Variants in CD9 observed in about 807,000 individuals in gnomAD.
CD9 encodes the protein CD9 antigen.
In CD9, 10 loss-of-function variants were observed where a neutral mutation model predicts 31.4. The ratio of observed to expected loss-of-function variants is 0.32; its 90% CI spans 0.20 to 0.54. The LOEUF (loss-of-function observed/expected upper bound fraction) is 0.54, where lower values mean the gene tolerates loss of function less well. Ranked by LOEUF, CD9 falls within the 20% of genes least tolerant of loss-of-function variation. The pLI, the probability that CD9 is intolerant of heterozygous loss-of-function variation, is 0.94. For missense variants in CD9, 259 were observed against 300.1 expected (o/e 0.86, Z 1.01); for synonymous variants, 113 against 114.1 (o/e 0.99, Z 0.06).
chr12:6,203,395 C>T (rs1295823262), intron 1 of CD9, among the ~76,000 whole-genome samples: 1 of 152,152 alleles, frequency 6.6e-6, no homozygotes, highest in Non-Finnish European at 1.5e-5. Context: ...ACTTGGCATT[C>T]GGAACCTGAT....
At chr12:6,235,780 T>A (rs1946512410) in intron 6 of CD9, 6 of 1,398,420 alleles carry the variant, frequency 4.3e-6, no homozygotes, top group Non-Finnish European at 4.6e-6. Flanking sequence ...ACAAGTGTTC[T>A]GGCACCGCCC....
At chr12:6,236,512 A>C (rs1591983020) in intron 7 of CD9, 1 of 553,466 alleles carries the variant, frequency 1.8e-6, no homozygotes, top group Non-Finnish European at 3.2e-6. Context: ...TAAAGAGTCG[A>C]CTCTCTTAGC....
chr12:6,213,119 A>G lies in CD9; in HGVS notation c.67-12307A>G, dbSNP rs149715625. On this transcript the variant is annotated intron_variant, in intron 1 of 7. Coordinates refer to ENST00000009180, the MANE Select transcript of CD9 (RefSeq NM_001769.4). ...CTAAGGGGATATTTAATGTAAAGCT[A>G]TTATATGGGCCTGGCTCACAGGCAG... Among the ~76,000 whole-genome samples the G allele has an allele frequency of 4.9e-4, 75 of 152,310 alleles. 1 individual carries two copies. The East Asian group carries it at 0.013, about 27-fold the overall frequency.
At chr12:6,207,153 A>T (rs1053453992) in intron 1 of CD9, among the ~76,000 whole-genome samples, 1 of 152,166 alleles carries the variant, frequency 6.6e-6, no homozygotes, top group African/African-American at 2.4e-5. Context: ...AAGCACTGGG[A>T]TCATAAATGT....
chr12:6,205,589 T>C (rs1946122063), intron 1 of CD9, among the ~76,000 whole-genome samples: 1 of 152,238 alleles, frequency 6.6e-6, no homozygotes, highest in Admixed American at 6.5e-5. Flanking sequence ...CTTACACACA[T>C]AGATCCTGTG....
At chr12:6,225,197 C>T (rs1946347043) in intron 1 of CD9, 1 of 551,898 alleles carries the variant, frequency 1.8e-6, no homozygotes, top group African/African-American at 1.9e-5. Flanking sequence ...AATACCCCTT[C>T]AGCCAATGGG....
chr12:6,205,573 C>G (rs1210130561), intron 1 of CD9, among the ~76,000 whole-genome samples: 1 of 152,186 alleles, frequency 6.6e-6, no homozygotes, highest in Non-Finnish European at 1.5e-5. Context: ...GGATGAGAAT[C>G]TCCCCCTTAC....
At chr12:6,210,265 C>A (rs544691817) in intron 1 of CD9, among the ~76,000 whole-genome samples, 1 of 152,322 alleles carries the variant, frequency 6.6e-6, no homozygotes, top group South Asian at 2.1e-4. Flanking sequence ...GGGCTGCGGT[C>A]CCGTCTATGG....
At position 6,232,336 on chromosome 12, in the gene CD9, G is replaced by A. The variant is rs7966772; in HGVS notation, c.176-296G>A. 3,393 of 489,292 alleles carry A rather than the reference G, an allele frequency of 6.9e-3. 18 individuals carry two copies. Among genetic ancestry groups the A allele is most frequent in the Non-Finnish European group, 9.7e-3 (2,606 of 269,026 alleles). 30.3% of individuals were successfully genotyped at this position (489,292 alleles called of 1,614,324 possible). A position where few individuals can be genotyped will look rare whatever the true frequency, so the allele number is the denominator to read the frequency against. ...CATTCCGAATGTAGGGATTCCCGTG[G>A]ATATTCTCTGTCCTGGATTGAGGGC... is the stretch of plus-strand genomic sequence containing the variant. On this transcript the variant is annotated intron_variant, in intron 2 of 7. Transcript: ENST00000009180. The surrounding 1 kb of genome is among the most constrained non-coding windows in gnomAD (Gnocchi z 4.8).
At chr12:6,201,950 A>G (rs1946082828) in intron 1 of CD9, among the ~76,000 whole-genome samples, 1 of 152,214 alleles carries the variant, frequency 6.6e-6, no homozygotes, top group African/African-American at 2.4e-5. Flanking sequence ...AGATGAGAGG[A>G]TGGCATGAGC....
intron 1 of CD9, among the ~76,000 whole-genome samples, chr12:6,210,208 C>G (rs1049282168): frequency 6.6e-6 from 1 of 152,192 alleles, no homozygotes; most frequent in Non-Finnish European, 1.5e-5. Context: ...CCGGGTCCCA[C>G]TCTGGGGCTG....
At chr12:6,236,598 GTTC>G in intron 7 of CD9, 3 of 439,764 alleles carry the variant, frequency 6.8e-6, no homozygotes, top group Admixed American at 7.8e-5. Context: ...CGCACCTGCT[GTTC>G]TTCTCCCTAA....
chr12:6,232,314 TC>T lies in CD9; in HGVS notation c.176-316del. Reference sequence around the variant, plus strand: ...GCTGACAGACTGGACCAGTTTGCATTCCGAATGTAGGGATTCCCGTGGATAT... The same window carrying T: ...GCTGACAGACTGGACCAGTTTGCATTCGAATGTAGGGATTCCCGTGGATAT... On this transcript the variant is annotated intron_variant, in intron 2 of 7. Coordinates refer to ENST00000009180, the MANE Select transcript of CD9 (RefSeq NM_001769.4). The surrounding 1 kb of genome is among the most constrained non-coding windows in gnomAD (Gnocchi z 4.8). 1 of 426,918 alleles carries T rather than the reference TC, an allele frequency of 2.3e-6. No individual in the cohort carries two copies. The highest frequency in any genetic ancestry group is 5.1e-5 in the East Asian group (1 of 19,786). The allele number at this position is 426,918 out of a possible 1,614,324, so 26.4% of individuals were successfully genotyped here. A position where few individuals can be genotyped will look rare whatever the true frequency, so the allele number is the denominator to read the frequency against.
At chr12:6,207,039 C>T (rs1946140214) in intron 1 of CD9, among the ~76,000 whole-genome samples, 1 of 152,062 alleles carries the variant, frequency 6.6e-6, no homozygotes, top group Admixed American at 6.6e-5. Context: ...ACAGCACACA[C>T]CACTATACCC....
At chr12:6,233,078 C>T in intron 3 of CD9, 1 of 701,950 alleles carries the variant, frequency 1.4e-6, no homozygotes, top group East Asian at 2.7e-5. Flanking sequence ...TGGATTCGCT[C>T]CCTTTACTTG....
At chr12:6,227,150 G>C (rs1163707916) in intron 2 of CD9, among the ~76,000 whole-genome samples, 1 of 152,152 alleles carries the variant, frequency 6.6e-6, no homozygotes, top group African/African-American at 2.4e-5. Context: ...AATCTCATGG[G>C]TAAGAGGATG....
Position 6,232,575 on chromosome 12 carries a change from G to C in CD9, c.176-57G>C. The stretch of plus-strand genomic sequence containing the variant: ...GAGGGAAACAGGAATTGCCGGAGAT[G>C]CCTGGGCCTCTGAACTGATGTCTCC... On this transcript the variant is annotated intron_variant, in intron 2 of 7. Coordinates refer to ENST00000009180, the MANE Select transcript of CD9 (RefSeq NM_001769.4). This position sits in a 1 kb window ranked among gnomAD's most constrained non-coding sequence, Gnocchi z 4.8. 1.9e-6 allele frequency: 2 copies of C among 1,067,254 alleles called. No homozygotes were observed. Among genetic ancestry groups the C allele is most frequent in the South Asian group, 2.7e-5 (2 of 74,556 alleles). 66.1% of individuals were successfully genotyped at this position (1,067,254 alleles called of 1,614,324 possible). A position where few individuals can be genotyped will look rare whatever the true frequency, so the allele number is the denominator to read the frequency against.
At chr12:6,214,127 C>T (rs1354764134) in intron 1 of CD9, among the ~76,000 whole-genome samples, 3 of 152,126 alleles carry the variant, frequency 2.0e-5, no homozygotes, top group African/African-American at 7.2e-5. Context: ...CTGCCTCTTC[C>T]TGGCTGTGTC....
At chr12:6,216,729 G>A (rs370338505) in intron 1 of CD9, among the ~76,000 whole-genome samples, 6 of 152,024 alleles carry the variant, frequency 3.9e-5, no homozygotes, top group African/African-American at 1.5e-4. Context: ...ACTACCCAGC[G>A]CTCACACAGA....
Sources: allele counts gnomAD v4.1 joint callset (sites outside exome capture counted in the v4.1 genomes callset), GRCh38; gene constraint gnomAD v4.1.1; non-coding constraint Gnocchi (gnomAD v3.1); transcripts MANE v1.5; gene names NCBI Gene and HGNC (gene_info 2026-07-23, HGNC 2026-07-21).